EYA1: variants seen among roughly 807,000 people sequenced by gnomAD.
The protein encoded by EYA1 is protein phosphatase EYA1.
A neutral mutation model predicts 82.0 loss-of-function variants in EYA1; 16 were observed. The ratio of observed to expected loss-of-function variants is 0.20; its 90% confidence interval spans 0.13 to 0.30. EYA1 has a LOEUF of 0.30. Among genes scored for constraint, EYA1 ranks in the 10% least tolerant of loss-of-function variants. EYA1 has a pLI of 1.00. For missense variants in EYA1, 633 were observed against 730.7 expected, an observed-to-expected ratio of 0.87 and a Z score of 1.54; for synonymous variants, 261 against 264.4, an observed-to-expected ratio of 0.99 and a Z score of 0.12.
intron 1 of EYA1, among the ~76,000 whole-genome samples, chr8:71,537,891 T>C (rs1029283211): frequency 2.6e-5 from 4 of 152,246 alleles, no homozygotes; most frequent in Non-Finnish European, 5.9e-5. Flanking sequence ...GAAACTATTC[T>C]GTACTAAATT....
intron 12 of EYA1, among the ~76,000 whole-genome samples, chr8:71,239,746 C>T (rs1003315623): frequency 2.0e-5 from 3 of 152,128 alleles, no homozygotes; most frequent in Admixed American, 6.5e-5. Context: ...CCTGTGAGAT[C>T]CTTTGGCAGC....
chr8:71,545,605 A>C (rs768658793), intron 1 of EYA1, among the ~76,000 whole-genome samples: 8 of 122,184 alleles, frequency 6.5e-5, no homozygotes, highest in Non-Finnish European at 1.3e-4. Flanking sequence ...TCTGTCGCCC[A>C]GGCTGGAGTG....
intron 9 of EYA1, among the ~76,000 whole-genome samples, chr8:71,288,773 CT>C (rs575007538): frequency 4.6e-4 from 70 of 152,252 alleles, no homozygotes; most frequent in Middle Eastern, 6.8e-3. Flanking sequence ...AGGTGAAATA[CT>C]GCACAAATAT....
intron 17 of EYA1, among the ~76,000 whole-genome samples, chr8:71,209,043 G>GTAGA: frequency 6.6e-6 from 1 of 152,312 alleles, no homozygotes; most frequent in South Asian, 2.1e-4. Flanking sequence ...AAACTTTCTG[G>GTAGA]TAGATACCAG....
intron 2 of EYA1, among the ~76,000 whole-genome samples, chr8:71,444,554 A>G (rs1806702811): frequency 6.6e-6 from 1 of 152,210 alleles, no homozygotes; most frequent in Admixed American, 6.5e-5. Context: ...AGATGTAAGG[A>G]CAGGAGATGC....
At chr8:71,489,320 A>C (rs1312439353) in intron 2 of EYA1, among the ~76,000 whole-genome samples, 1 of 150,264 alleles carries the variant, frequency 6.7e-6, no homozygotes, top group African/African-American at 2.4e-5. Flanking sequence ...TTTTTTTCCT[A>C]CCATAGTTTC....
At chr8:71,389,905 T>G (rs4480150) in intron 2 of EYA1, among the ~76,000 whole-genome samples, 95,323 of 151,992 alleles carry the variant, frequency 0.63, 30,794 homozygotes, top group Middle Eastern at 0.71. Context: ...TGGGTATATA[T>G]ATATACATTT....
intron 2 of EYA1, among the ~76,000 whole-genome samples, chr8:71,406,065 A>C (rs1292912629): frequency 6.6e-6 from 1 of 152,182 alleles, no homozygotes; most frequent in Non-Finnish European, 1.5e-5. Context: ...GCATATTCAT[A>C]TGTCCAAACT....
intron 2 of EYA1, among the ~76,000 whole-genome samples, chr8:71,451,546 T>C (rs930520130): frequency 6.6e-6 from 1 of 152,188 alleles, no homozygotes; most frequent in Non-Finnish European, 1.5e-5. Flanking sequence ...TGGGGAATTA[T>C]TTTTGTTTTT....
At chr8:71,244,836 T>G in intron 11 of EYA1, 144 bp from the exon 12 acceptor site, 1 of 609,764 alleles carries the variant, frequency 1.6e-6, no homozygotes, top group Non-Finnish European at 3.0e-6. Flanking sequence ...CTTATTTTAG[T>G]GTGCATGACT....
At chr8:71,368,289 G>A (rs1241457621) in intron 2 of EYA1, among the ~76,000 whole-genome samples, 1 of 151,930 alleles carries the variant, frequency 6.6e-6, no homozygotes. Context: ...AGGTCAGAGC[G>A]CCCGTAGAGG....
intron 1 of EYA1, among the ~76,000 whole-genome samples, chr8:71,544,467 A>G (rs1815391352): frequency 6.6e-6 from 1 of 152,194 alleles, no homozygotes; most frequent in African/African-American, 2.4e-5. Context: ...GTAGTCCAGC[A>G]CCGGAAAGTT....
At chr8:71,312,510 G>A (rs1821452068) in intron 7 of EYA1, among the ~76,000 whole-genome samples, 1 of 152,116 alleles carries the variant, frequency 6.6e-6, no homozygotes, top group African/African-American at 2.4e-5. Context: ...GCAGTGGCAC[G>A]ATCTTGTCTC....
At chr8:71,457,655 A>G (rs1231810307) in intron 2 of EYA1, among the ~76,000 whole-genome samples, 2 of 152,262 alleles carry the variant, frequency 1.3e-5, no homozygotes, top group Middle Eastern at 3.4e-3. Flanking sequence ...GCAAACTATC[A>G]CAAGGACAAA....
intron 4 of EYA1, 91 bp from the exon 5 acceptor site, chr8:71,322,359 T>C: frequency 8.7e-7 from 1 of 1,145,440 alleles, no homozygotes. Flanking sequence ...CAACTATAGG[T>C]TGGCCATATG....
intron 9 of EYA1, among the ~76,000 whole-genome samples, chr8:71,291,552 G>A (rs909327066): frequency 6.6e-6 from 1 of 152,046 alleles, no homozygotes; most frequent in Non-Finnish European, 1.5e-5. Flanking sequence ...CTTTTCTACG[G>A]CATTCATACT....
At chr8:71,281,020 G>A (rs1817756758) in intron 9 of EYA1, among the ~76,000 whole-genome samples, 1 of 152,180 alleles carries the variant, frequency 6.6e-6, no homozygotes, top group South Asian at 2.1e-4. Flanking sequence ...GCCACCAGAA[G>A]TGCTGGGATT....
At position 71,356,373 on chromosome 8, in the gene EYA1, T is replaced by C. The variant is rs1826878768; in HGVS notation, c.-5+89A>G. The C allele has an allele frequency of 2.8e-5, 31 of 1,111,078 alleles. No individual in the cohort carries two copies. In the South Asian group the frequency reaches 4.1e-4, roughly 15 times the overall value. The allele number at this position is 1,111,078 out of a possible 1,614,324, so 68.8% of individuals were successfully genotyped here. A position where few individuals can be genotyped will look rare whatever the true frequency, so the allele number is the denominator to read the frequency against. ...TTCCAACAGAGGCTGTTACTATTAA[T>C]AGAAATAATTAAGAAACACTAGACA... On this transcript the variant is annotated intron_variant, in intron 2 of 17. Transcript: ENST00000340726.
intron 7 of EYA1, among the ~76,000 whole-genome samples, chr8:71,312,683 C>G (rs1821477681): frequency 6.6e-6 from 1 of 152,196 alleles, no homozygotes; most frequent in African/African-American, 2.4e-5. Flanking sequence ...GGTGATCTGC[C>G]CACCTCGGCC....
Sources: allele counts gnomAD v4.1 joint callset (sites outside exome capture counted in the v4.1 genomes callset), GRCh38; gene constraint gnomAD v4.1.1; transcripts MANE v1.5; gene names NCBI Gene and HGNC (gene_info 2026-07-23, HGNC 2026-07-21).